LSAMP: variants seen among roughly 807,000 people sequenced by gnomAD.
The protein encoded by LSAMP is limbic system associated membrane protein, also known as limbic system-associated membrane protein.
LSAMP carries 7 observed loss-of-function variants against 38.6 expected under a neutral mutation model. The ratio of observed to expected loss-of-function variants is 0.18; its 90% CI spans 0.10 to 0.34. The LOEUF is 0.34. LSAMP is among the 10% of genes least tolerant of loss of function. LSAMP has a pLI of 1.00. For synonymous variants in LSAMP, 154 were observed against 166.8 expected, an observed-to-expected ratio of 0.92 and a Z score of 0.59; for missense variants, 313 against 420.0, an observed-to-expected ratio of 0.75 and a Z score of 2.23.
chr3:115,908,552 G>A (rs932291053), intron 3 of LSAMP, among the ~76,000 whole-genome samples: 11 of 152,086 alleles, frequency 7.2e-5, no homozygotes, highest in Non-Finnish European at 1.5e-4. Context: ...TTCTGAAGTT[G>A]CTTATAACCT....
At chr3:116,288,334 A>G (rs960074661) in intron 1 of LSAMP, among the ~76,000 whole-genome samples, 3 of 152,136 alleles carry the variant, frequency 2.0e-5, no homozygotes, top group Non-Finnish European at 4.4e-5. Flanking sequence ...CAGATGAGAG[A>G]AGGTATCGTT....
intron 1 of LSAMP, among the ~76,000 whole-genome samples, chr3:116,294,458 A>T (rs1442455318): frequency 6.6e-6 from 1 of 152,230 alleles, no homozygotes; most frequent in African/African-American, 2.4e-5. Context: ...ATAAAAAATG[A>T]ATAAAAGCAT....
At chr3:116,418,241 T>A (rs2049076443) in intron 1 of LSAMP, among the ~76,000 whole-genome samples, 1 of 152,202 alleles carries the variant, frequency 6.6e-6, no homozygotes, top group South Asian at 2.1e-4. Context: ...TTAGCACTGA[T>A]CTCACTTGTG....
In LSAMP at chr3:116,108,892, G is replaced by A. The variant is rs9862430; in HGVS notation, c.156-22336C>T. ...GGGTTTGTCTCACAGTGGAGGCAAG[G>A]AATTGCAACTTTTTTCTGTTATTGT... On this transcript the variant is annotated intron_variant, in intron 1 of 6. Coordinates refer to ENST00000490035, the MANE Select transcript of LSAMP (RefSeq NM_002338.5). 8.8e-3 allele frequency among the ~76,000 whole-genome samples: 1,338 copies of A among 152,238 alleles called. 19 individuals are homozygous for A. Among genetic ancestry groups the A allele is most frequent in the African/African-American group, 0.029 (1,208 of 41,552 alleles).
In LSAMP at chr3:115,816,648, T is replaced by TA. The variant is rs559214870; in HGVS notation, c.920-6235dup. The TA allele has an allele frequency of 2.8e-4, 356 of 1,285,620 alleles. 1 individual carries two copies. In the African/African-American group the frequency reaches 4.8e-3, roughly 17 times the overall value. 79.6% of individuals were successfully genotyped at this position (1,285,620 alleles called of 1,614,324 possible). ...TGAAGTGCACGGTGGTACCAATTTC[T>TA]AAAATAAGAAACATTAAGCAAAACA... On this transcript the variant is annotated intron_variant, in intron 6 of 6. Transcript: ENST00000490035.
chr3:116,095,015 TAA>T (rs1708195810), intron 1 of LSAMP, among the ~76,000 whole-genome samples: 1 of 152,344 alleles, frequency 6.6e-6, no homozygotes, highest in African/African-American at 2.4e-5. Context: ...AACAGTCATA[TAA>T]GAGAGATAAC....
intron 1 of LSAMP, among the ~76,000 whole-genome samples, chr3:116,168,105 A>G (rs547826951): frequency 4.7e-5 from 7 of 149,792 alleles, no homozygotes; most frequent in Non-Finnish European, 7.5e-5. Context: ...TTCAAGATAT[A>G]TTGGTGGAAA....
chr3:116,215,727 G>A (rs763439162), intron 1 of LSAMP, among the ~76,000 whole-genome samples: 2 of 152,086 alleles, frequency 1.3e-5, no homozygotes, highest in African/African-American at 2.4e-5. Context: ...AGGGAGATAG[G>A]GATGAATTGC....
intron 1 of LSAMP, among the ~76,000 whole-genome samples, chr3:116,137,625 G>GT (rs1198289828): frequency 2.0e-5 from 3 of 152,040 alleles, no homozygotes; most frequent in Non-Finnish European, 4.4e-5. Context: ...AAACTGATTT[G>GT]TTTTTATGGC....
At chr3:115,945,375 A>T (rs1306328276) in intron 3 of LSAMP, among the ~76,000 whole-genome samples, 1 of 152,206 alleles carries the variant, frequency 6.6e-6, no homozygotes, top group East Asian at 1.9e-4. Flanking sequence ...GTATTCACAT[A>T]TGGGAGCCTG....
intron 3 of LSAMP, among the ~76,000 whole-genome samples, chr3:115,916,450 C>T (rs1937253187): frequency 1.3e-5 from 2 of 152,268 alleles, no homozygotes; most frequent in African/African-American, 4.8e-5. Flanking sequence ...CTTAACTGTT[C>T]TGTATAGCTC....
intron 1 of LSAMP, among the ~76,000 whole-genome samples, chr3:116,195,603 A>G (rs1576424621): frequency 2.6e-5 from 4 of 152,266 alleles, no homozygotes; most frequent in African/African-American, 9.6e-5. Flanking sequence ...AATTGACAGA[A>G]GGAAAGTTGA....
chr3:115,825,636 T>A (rs1468380179), intron 6 of LSAMP, among the ~76,000 whole-genome samples: 1 of 152,224 alleles, frequency 6.6e-6, no homozygotes, highest in Non-Finnish European at 1.5e-5. Flanking sequence ...CCACAAGTGC[T>A]TTTCCTGGTC....
intron 2 of LSAMP, among the ~76,000 whole-genome samples, chr3:116,072,557 T>A (rs536759119): frequency 1.3e-5 from 2 of 152,286 alleles, no homozygotes; most frequent in South Asian, 4.1e-4. Context: ...CTCCCTAGCA[T>A]CTGTTAAGTT....
intron 6 of LSAMP, among the ~76,000 whole-genome samples, chr3:115,818,420 T>C (rs1934100836): frequency 6.6e-6 from 1 of 152,118 alleles, no homozygotes; most frequent in Admixed American, 6.5e-5. Flanking sequence ...TTCAAGCAAT[T>C]GTTCAGAAAT....
At chr3:116,202,252 C>T (rs1460473506) in intron 1 of LSAMP, among the ~76,000 whole-genome samples, 2 of 151,948 alleles carry the variant, frequency 1.3e-5, no homozygotes, top group East Asian at 3.9e-4. Context: ...TCTCCTGCCT[C>T]AGCCTCCTGA....
intron 1 of LSAMP, among the ~76,000 whole-genome samples, chr3:116,242,750 T>C (rs1243372547): frequency 6.6e-6 from 1 of 151,050 alleles, no homozygotes; most frequent in Non-Finnish European, 1.5e-5. Context: ...CCTATCTAAC[T>C]TGAGTTTTAA....
At chr3:115,833,726 TC>T (rs1934693539) in intron 6 of LSAMP, among the ~76,000 whole-genome samples, 3 of 152,162 alleles carry the variant, frequency 2.0e-5, no homozygotes, top group Admixed American at 2.0e-4. Context: ...ATTTATTTTT[TC>T]CACGCCAGGT....
At chr3:116,030,847 A>C (rs1940902424) in intron 2 of LSAMP, among the ~76,000 whole-genome samples, 1 of 152,160 alleles carries the variant, frequency 6.6e-6, no homozygotes, top group African/African-American at 2.4e-5. Context: ...GCAGATGAAA[A>C]TTCGGGTTGC....
Sources: gnomAD v4.1 joint callset for allele counts (sites outside exome capture counted in the v4.1 genomes callset) on GRCh38, gnomAD v4.1.1 for gene constraint, MANE v1.5 for transcripts, NCBI Gene and HGNC (gene_info 2026-07-23, HGNC 2026-07-21) for gene names.